The following HIBADH variants were observed in gnomAD, a reference collection of about 807,000 sequenced individuals.
The protein encoded by HIBADH is 3-hydroxyisobutyrate dehydrogenase.
A neutral mutation model predicts 36.1 loss-of-function variants in HIBADH; 25 were observed. The ratio of observed to expected loss-of-function variants is 0.69; its 90% CI spans 0.50 to 0.97. HIBADH has a LOEUF of 0.97. Ranked by LOEUF, HIBADH falls within the 50% of genes least tolerant of loss-of-function variation. HIBADH has a pLI of 0.00. For synonymous variants in HIBADH, 160 were observed against 149.5 expected, an observed-to-expected ratio of 1.07 and a Z score of -0.51; for missense variants, 421 against 418.0, an observed-to-expected ratio of 1.01 and a Z score of -0.06.
intron 6 of HIBADH, among the ~76,000 whole-genome samples, chr7:27,534,047 C>T (rs775317757): frequency 2.6e-5 from 4 of 152,152 alleles, no homozygotes; most frequent in Non-Finnish European, 5.9e-5. Flanking sequence ...ATGAATTCAT[C>T]GCTCTGACTG....
intron 5 of HIBADH, among the ~76,000 whole-genome samples, chr7:27,541,320 C>G (rs1481921764): frequency 6.6e-6 from 1 of 152,138 alleles, no homozygotes; most frequent in Non-Finnish European, 1.5e-5. Context: ...CTAAAATTAT[C>G]AAACCATCCT....
At chr7:27,661,697 T>A (rs1215147569) in intron 1 of HIBADH, among the ~76,000 whole-genome samples, 1 of 152,036 alleles carries the variant, frequency 6.6e-6, no homozygotes, top group South Asian at 2.1e-4. Flanking sequence ...GTTTTTTTTG[T>A]TATTAATCCT....
At chr7:27,545,005 C>A (rs1466745527) in intron 4 of HIBADH, among the ~76,000 whole-genome samples, 1 of 152,222 alleles carries the variant, frequency 6.6e-6, no homozygotes, top group Non-Finnish European at 1.5e-5. Flanking sequence ...TTATTTCCGA[C>A]TTCATCATAA....
chr7:27,653,093 C>A (rs929909688), intron 1 of HIBADH, among the ~76,000 whole-genome samples: 1 of 152,070 alleles, frequency 6.6e-6, no homozygotes, highest in Non-Finnish European at 1.5e-5. Flanking sequence ...CGCACCACTG[C>A]ACTCCAGCCT....
intron 4 of HIBADH, among the ~76,000 whole-genome samples, chr7:27,585,290 C>T (rs59163753): frequency 0.044 from 6,602 of 151,718 alleles, 445 homozygotes; most frequent in African/African-American, 0.15. Context: ...TATGCACACA[C>T]GTGTGTGTAT....
chr7:27,639,483 CAGG>C (rs1052199447), intron 2 of HIBADH, among the ~76,000 whole-genome samples: 9 of 152,082 alleles, frequency 5.9e-5, no homozygotes, highest in African/African-American at 2.2e-4. Flanking sequence ...AACTACCTGC[CAGG>C]TACCGTGCTT....
At chr7:27,597,427 G>A (rs75314862) in intron 4 of HIBADH, among the ~76,000 whole-genome samples, 1,497 of 141,126 alleles carry the variant, frequency 0.011, 26 homozygotes, top group African/African-American at 0.039. Flanking sequence ...GTGTAGCTCC[G>A]AGCTTCCCAT....
chr7:27,580,529 C>G (rs1784772777), intron 4 of HIBADH, among the ~76,000 whole-genome samples: 1 of 152,146 alleles, frequency 6.6e-6, no homozygotes, highest in Admixed American at 6.5e-5. Context: ...GTAAGATGAA[C>G]AGTTTAGCTC....
At chr7:27,630,611 T>A (rs1452017051) in intron 3 of HIBADH, among the ~76,000 whole-genome samples, 1 of 151,940 alleles carries the variant, frequency 6.6e-6, no homozygotes, top group Non-Finnish European at 1.5e-5. Flanking sequence ...ACAAAATGGT[T>A]TAAACATAAC....
intron 2 of HIBADH, among the ~76,000 whole-genome samples, chr7:27,644,851 A>C (rs1786033756): frequency 6.6e-6 from 1 of 151,964 alleles, no homozygotes; most frequent in Non-Finnish European, 1.5e-5. Flanking sequence ...CTAAGCAACC[A>C]CTGATCTACT....
intron 2 of HIBADH, among the ~76,000 whole-genome samples, chr7:27,636,642 C>T (rs891207748): frequency 2.0e-5 from 3 of 152,310 alleles, no homozygotes; most frequent in African/African-American, 7.2e-5. Context: ...AAAAGAGAAT[C>T]TAATTAAGCC....
Position 27,586,699 on chromosome 7 carries a change from C to T in HIBADH, c.484+42672G>A, listed in dbSNP as rs927891667. ...GACAAAAAGAAAAGAGGACAGCACT[C>T]TTAGAAAAGGAGGGAAATCACTCTT... is the stretch of plus-strand genomic sequence containing the variant. On this transcript the variant is annotated intron_variant, in intron 4 of 7. Coordinates refer to ENST00000265395, the MANE Select transcript of HIBADH (RefSeq NM_152740.4). Among the ~76,000 whole-genome samples, 6 of 126,534 alleles carry T rather than the reference C, an allele frequency of 4.7e-5. No homozygotes were observed. The East Asian group carries it at 1.0e-3, about 22-fold the overall frequency. 83.0% of individuals were successfully genotyped at this position (126,534 alleles called of 152,430 possible).
chr7:27,576,784 G>A (rs777176026), intron 4 of HIBADH, among the ~76,000 whole-genome samples: 12 of 151,972 alleles, frequency 7.9e-5, no homozygotes, highest in Admixed American at 2.0e-4. Context: ...AATTATGATC[G>A]AGCACCTATT....
intron 4 of HIBADH, among the ~76,000 whole-genome samples, chr7:27,569,614 AT>A (rs1344754417): frequency 6.6e-6 from 1 of 151,924 alleles, no homozygotes; most frequent in African/African-American, 2.4e-5. Context: ...CGGTCCCTTT[AT>A]GAGCTCCCTC....
chr7:27,557,488 T>G (rs1784409581), intron 4 of HIBADH, among the ~76,000 whole-genome samples: 1 of 152,216 alleles, frequency 6.6e-6, no homozygotes, highest in African/African-American at 2.4e-5. Flanking sequence ...TATCACAGAC[T>G]GGGAAATTTA....
chr7:27,570,197 T>C (rs896485952), intron 4 of HIBADH, among the ~76,000 whole-genome samples: 1 of 152,156 alleles, frequency 6.6e-6, no homozygotes. Context: ...TCAGACAGCT[T>C]CTCCAGGCAC....
At chr7:27,628,177 T>C (rs939288055) in intron 4 of HIBADH, among the ~76,000 whole-genome samples, 14 of 152,048 alleles carry the variant, frequency 9.2e-5, no homozygotes, top group Non-Finnish European at 1.9e-4. Flanking sequence ...CTATACCACA[T>C]CATAAATTTT....
In HIBADH at chr7:27,526,486, A is replaced by G. The variant is rs73686424; in HGVS notation, c.853-114T>C. 8.3e-3 allele frequency: 5,722 copies of G among 685,940 alleles called. 179 individuals are homozygous for G. The highest frequency in any genetic ancestry group is 0.079 in the African/African-American group (4,256 of 54,108). The allele number at this position is 685,940 out of a possible 1,614,324, so 42.5% of individuals were successfully genotyped here. On this transcript the variant is annotated intron_variant, in intron 7 of 7. Coordinates refer to ENST00000265395, the MANE Select transcript of HIBADH (RefSeq NM_152740.4). Reference sequence around the variant, plus strand: ...GAAAAATGTAATCTGAAAAAATAAGATACTTATAAATACTATGGTAAGTTA... The same window carrying G: ...GAAAAATGTAATCTGAAAAAATAAGGTACTTATAAATACTATGGTAAGTTA...
At chr7:27,641,308 A>T (rs750959588) in intron 2 of HIBADH, among the ~76,000 whole-genome samples, 2 of 152,178 alleles carry the variant, frequency 1.3e-5, no homozygotes, top group Non-Finnish European at 2.9e-5. Flanking sequence ...ACTAACCAGC[A>T]TTTCTGCAAT....
Sources: gnomAD v4.1 joint callset for allele counts (sites outside exome capture counted in the v4.1 genomes callset) on GRCh38, gnomAD v4.1.1 for gene constraint, MANE v1.5 for transcripts, NCBI Gene and HGNC (gene_info 2026-07-23, HGNC 2026-07-21) for gene names.